Variants in TRAPPC13 observed in about 807,000 individuals in gnomAD.
TRAPPC13 encodes the protein trafficking protein particle complex subunit 13.
A neutral mutation model predicts 54.0 loss-of-function variants in TRAPPC13; 39 were observed. The ratio of observed to expected loss-of-function variants is 0.72; its 90% CI spans 0.56 to 0.94. The LOEUF (loss-of-function observed/expected upper bound fraction) is 0.94. Ranked by LOEUF, TRAPPC13 falls within the 40% of genes least tolerant of loss-of-function variation. The pLI, the probability that TRAPPC13 is intolerant of heterozygous loss-of-function variation, is 0.00. For missense variants in TRAPPC13, 386 were observed against 488.1 expected (o/e 0.79, Z 1.97); for synonymous variants, 148 against 167.7 (o/e 0.88, Z 0.91).
chr5:65,634,991 A>G, intron 1 of TRAPPC13: 13 of 873,156 alleles, frequency 1.5e-5, no homozygotes, highest in Non-Finnish European at 1.8e-5. Flanking sequence ...TTAAAGCCTT[A>G]TGCTCCTAAT....
intron 4 of TRAPPC13, among the ~76,000 whole-genome samples, chr5:65,646,169 A>G (rs1756199977): frequency 6.6e-6 from 1 of 151,054 alleles, no homozygotes. Flanking sequence ...TGTGGTAGAA[A>G]GTAATTGAGA....
intron 4 of TRAPPC13, 46 bp downstream of exon 4, chr5:65,637,826 G>GT (rs70983681): frequency 0.026 from 31,974 of 1,219,500 alleles, 453 homozygotes; most frequent in Middle Eastern, 0.072. Flanking sequence ...TTTAACAAAG[G>GT]TTTTTTTTTA....
intron 1 of TRAPPC13, among the ~76,000 whole-genome samples, chr5:65,632,461 G>T (rs545304391): frequency 2.6e-5 from 4 of 152,082 alleles, no homozygotes; most frequent in African/African-American, 9.7e-5. Context: ...TTCCCATGGG[G>T]TATTTCTGGT....
intron 1 of TRAPPC13, chr5:65,630,487 TG>T: frequency 7.3e-7 from 1 of 1,379,290 alleles, no homozygotes; most frequent in Non-Finnish European, 9.3e-7. Context: ...TGCTGAGTTC[TG>T]CTTATTGGCA....
rs775099125 is a variant in TRAPPC13, at chr5:65,660,917, C to T, written c.897+20C>T. 43 of 1,586,668 alleles carry T rather than the reference C, an allele frequency of 2.7e-5. No individual in the cohort carries two copies. Among genetic ancestry groups the T allele is most frequent in the Non-Finnish European group, 3.2e-5 (37 of 1,166,668 alleles). On this transcript the variant is annotated intron_variant, in intron 10 of 12. Coordinates refer to ENST00000399438, the MANE Select transcript of TRAPPC13 (RefSeq NM_024941.4). ...AGAATGGTGAGTCTGGAAAAAACTT[C>T]GCTGGGGTTTTGGTGTGTGAAAGAC... is the stretch of plus-strand genomic sequence containing the variant.
chr5:65,650,765 A>G (rs1756399077), intron 5 of TRAPPC13, 45 bp from the exon 6 acceptor site: 1 of 1,514,306 alleles, frequency 6.6e-7, no homozygotes, highest in African/African-American at 1.4e-5. Flanking sequence ...TTTACTATTA[A>G]AATTAAAAAT....
intron 2 of TRAPPC13, 117 bp downstream of exon 2, chr5:65,635,486 T>C (rs2150667690): frequency 2.5e-6 from 2 of 794,928 alleles, no homozygotes; most frequent in East Asian, 5.2e-5. Context: ...TGCTGGATTC[T>C]TTGTTGCCTA....
At chr5:65,647,957 CTTCCCAGAA>C (rs1269956648) in intron 5 of TRAPPC13, among the ~76,000 whole-genome samples, 9 of 152,232 alleles carry the variant, frequency 5.9e-5, no homozygotes, top group Admixed American at 6.5e-5. Flanking sequence ...TGGAGTCAGA[CTTCCCAGAA>C]TTCAAATTTC....
intron 7 of TRAPPC13, among the ~76,000 whole-genome samples, chr5:65,653,766 C>T (rs192277038): frequency 2.7e-4 from 41 of 152,200 alleles, no homozygotes; most frequent in African/African-American, 8.7e-4. Flanking sequence ...ACCTATTTGA[C>T]GAGAGGGAAA....
In TRAPPC13 at chr5:65,665,388, A is replaced by G. The variant is rs1474886072; in HGVS notation, c.*777A>G. 6.6e-6 allele frequency: 1 copy of G among 152,118 alleles called. No homozygotes were observed. The highest frequency in any genetic ancestry group is 2.4e-5 in the African/African-American group (1 of 41,414). The allele number at this position is 152,118 out of a possible 1,614,324, so 9.4% of individuals were successfully genotyped here. A position where few individuals can be genotyped will look rare whatever the true frequency, so the allele number is the denominator to read the frequency against. ...AAGGGGGTAGTCCTCTTATAACCTG[A>G]TATTTGTCAACACAGTATAAGCTTT... On this transcript the variant is annotated 3_prime_UTR_variant, in exon 13 of 13. Transcript: ENST00000399438.
intron 6 of TRAPPC13, among the ~76,000 whole-genome samples, chr5:65,651,769 G>GA (rs547234644): frequency 1.7e-4 from 24 of 143,914 alleles, no homozygotes; most frequent in Admixed American, 1.6e-3. Context: ...TATTCATAGG[G>GA]AAAAAAAATC....
At chr5:65,644,647 C>T (rs1024919628) in intron 4 of TRAPPC13, among the ~76,000 whole-genome samples, 8 of 152,056 alleles carry the variant, frequency 5.3e-5, no homozygotes, top group African/African-American at 1.4e-4. Context: ...TTTGGGAGCC[C>T]GAGGCGGCAG....
At position 65,625,109 on chromosome 5, in the gene TRAPPC13, A is replaced by G. The variant is rs1030066983; in HGVS notation, c.46+3A>G. 6.2e-7 allele frequency: 1 copy of G among 1,612,932 alleles called. No homozygotes were observed. Among genetic ancestry groups the G allele is most frequent in the Non-Finnish European group, 8.5e-7 (1 of 1,178,958 alleles). On this transcript the variant is annotated splice_donor_region_variant and intron_variant, in intron 1 of 12. Coordinates refer to ENST00000399438, the MANE Select transcript of TRAPPC13 (RefSeq NM_024941.4). ...GGAGCACCTGCTGGCGCTAAAAGGT[A>G]AACTTTTGCGAACCTGATTCCCCCT...
At chr5:65,642,321 TAA>T (rs113409762) in intron 4 of TRAPPC13, among the ~76,000 whole-genome samples, 8 of 145,608 alleles carry the variant, frequency 5.5e-5, no homozygotes, top group Admixed American at 1.4e-4. Context: ...AGACTCCATC[TAA>T]AAAAAAAAAA....
chr5:65,637,768 CATA>C lies in TRAPPC13; in HGVS notation c.289_291del (p.Ile97del). 6.4e-7 allele frequency: 1 copy of C among 1,557,296 alleles called. No individual in the cohort carries two copies. Among genetic ancestry groups the C allele is most frequent in the South Asian group, 1.2e-5 (1 of 84,906 alleles). On this transcript the variant is annotated inframe_deletion, in exon 4 of 13. Transcript: ENST00000399438. ...ATGATAGCAATCAAGTTGTAAAAGA[CATA>C]TTAGTAAAAGTAAGTAACATTCTTA...
At chr5:65,658,154 A>G (rs1756717074) in intron 8 of TRAPPC13, 1 of 409,114 alleles carries the variant, frequency 2.4e-6, no homozygotes, top group Non-Finnish European at 4.3e-6. Context: ...TTGTTTGACA[A>G]GGTATCAGTT....
intron 4 of TRAPPC13, among the ~76,000 whole-genome samples, chr5:65,645,768 C>T (rs1489158502): frequency 6.6e-6 from 1 of 152,192 alleles, no homozygotes; most frequent in African/African-American, 2.4e-5. Context: ...GGTGCCACTG[C>T]ACTCCAGCCT....
chr5:65,660,196 T>C lies in TRAPPC13; in HGVS notation c.699-503T>C, dbSNP rs553398227. ...TTAGTTTAGAATGGTATGTCTCTTATTATTCTAAACTCTTATCTTTGATAA... is the reference window on the plus strand; with the variant it reads ...TTAGTTTAGAATGGTATGTCTCTTACTATTCTAAACTCTTATCTTTGATAA... On this transcript the variant is annotated intron_variant, in intron 9 of 12. Transcript: ENST00000399438. Among the ~76,000 whole-genome samples, 7 of 152,202 alleles carry C rather than the reference T, an allele frequency of 4.6e-5. 2 individuals are homozygous for C. Among genetic ancestry groups the C allele is most frequent in the African/African-American group, 1.4e-4 (6 of 41,572 alleles).
chr5:65,641,468 C>G lies in TRAPPC13; in HGVS notation c.300+3688C>G, dbSNP rs530354239. Among the ~76,000 whole-genome samples the G allele has an allele frequency of 2.0e-5, 3 of 152,142 alleles. No individual in the cohort carries two copies. In the South Asian group the frequency reaches 6.2e-4, roughly 32 times the overall value. ...GGCTGTAATCCAGCACTTTGGGAGA[C>G]CAAGGCAGGAGGAGCCCTTGAATCC... On this transcript the variant is annotated intron_variant, in intron 4 of 12. Transcript: ENST00000399438.
Sources: allele counts gnomAD v4.1 joint callset (sites outside exome capture counted in the v4.1 genomes callset), GRCh38; gene constraint gnomAD v4.1.1; transcripts MANE v1.5; gene names NCBI Gene and HGNC (gene_info 2026-07-23, HGNC 2026-07-21).